The following SRGAP1 variants were observed in gnomAD, a reference collection of about 807,000 sequenced individuals.
The protein encoded by SRGAP1 is SLIT-ROBO Rho GTPase-activating protein 1.
A neutral mutation model predicts 121.9 loss-of-function variants in SRGAP1; 43 were observed. The observed-to-expected ratio is 0.35, with a 90% CI of 0.28 to 0.46. The LOEUF (loss-of-function observed/expected upper bound fraction) is 0.46, where lower values mean the gene tolerates loss of function less well. Among genes scored for constraint, SRGAP1 ranks in the 20% least tolerant of loss-of-function variants. The pLI is 1.00. For synonymous variants in SRGAP1, 447 were observed against 485.4 expected, an observed-to-expected ratio of 0.92 and a Z score of 1.04; for missense variants, 1,102 against 1,350.9, an observed-to-expected ratio of 0.82 and a Z score of 2.89.
chr12:63,873,339 T>C (rs1456068920), intron 1 of SRGAP1, among the ~76,000 whole-genome samples: 2 of 152,022 alleles, frequency 1.3e-5, no homozygotes, highest in Admixed American at 1.3e-4. Flanking sequence ...AAGACCAGCC[T>C]GACTGACATG....
chr12:64,022,367 TC>T (rs2034568621), intron 4 of SRGAP1, among the ~76,000 whole-genome samples: 1 of 152,246 alleles, frequency 6.6e-6, no homozygotes, highest in Admixed American at 6.5e-5. Flanking sequence ...AGACCAATGT[TC>T]CAGCTCAAAG....
At chr12:63,874,952 G>T (rs1159262788) in intron 1 of SRGAP1, among the ~76,000 whole-genome samples, 1 of 152,116 alleles carries the variant, frequency 6.6e-6, no homozygotes, top group African/African-American at 2.4e-5. Flanking sequence ...ATCTTGCTCT[G>T]CTGCTCAGGC....
chr12:63,941,458 C>T (rs1472653987), intron 1 of SRGAP1, among the ~76,000 whole-genome samples: 1 of 151,964 alleles, frequency 6.6e-6, no homozygotes, highest in Admixed American at 6.6e-5. Flanking sequence ...GTCTGTGATC[C>T]GTTTGATCTG....
intron 1 of SRGAP1, among the ~76,000 whole-genome samples, chr12:63,921,368 C>A (rs547535140): frequency 6.6e-6 from 1 of 152,176 alleles, no homozygotes; most frequent in African/African-American, 2.4e-5. Context: ...TTCTTTATTG[C>A]CTTTATGAGT....
At chr12:63,977,628 T>C (rs2033127521) in intron 1 of SRGAP1, among the ~76,000 whole-genome samples, 1 of 112,274 alleles carries the variant, frequency 8.9e-6, no homozygotes, top group African/African-American at 3.9e-5. Flanking sequence ...TTCCATTTTA[T>C]TTGGCAAGTA....
intron 1 of SRGAP1, among the ~76,000 whole-genome samples, chr12:63,869,840 A>G (rs1210951745): frequency 6.6e-6 from 1 of 152,176 alleles, no homozygotes; most frequent in East Asian, 1.9e-4. Context: ...GTTATTGTTA[A>G]TGTCTTAGTA....
intron 1 of SRGAP1, among the ~76,000 whole-genome samples, chr12:63,904,296 C>T (rs2030090213): frequency 6.6e-6 from 1 of 152,162 alleles, no homozygotes; most frequent in African/African-American, 2.4e-5. Flanking sequence ...GTTCTGATCA[C>T]ACATTTCTGT....
chr12:64,104,680 C>T (rs1253748878), intron 15 of SRGAP1, among the ~76,000 whole-genome samples: 1 of 152,186 alleles, frequency 6.6e-6, no homozygotes, highest in Non-Finnish European at 1.5e-5. Context: ...GCAGCCATCA[C>T]GGTTAGAGGC....
At chr12:63,935,386 A>G (rs2031630897) in intron 1 of SRGAP1, among the ~76,000 whole-genome samples, 1 of 152,184 alleles carries the variant, frequency 6.6e-6, no homozygotes, top group Non-Finnish European at 1.5e-5. Context: ...ACTTACTCCA[A>G]CACTTTGAAA....
At position 64,145,382 on chromosome 12, in the gene SRGAP1, G is replaced by A. The variant is rs555844847; in HGVS notation, c.*2710G>A. 5 of 152,368 alleles carry A rather than the reference G, an allele frequency of 3.3e-5. No individual in the cohort carries two copies. Among genetic ancestry groups the A allele is most frequent in the African/African-American group, 1.2e-4 (5 of 41,548 alleles). The allele number at this position is 152,368 out of a possible 1,614,324, so 9.4% of individuals were successfully genotyped here. ...ATGTGTCCACCTACGGTGGAACGAG[G>A]ATTGCCTTTCTGTGCTCCCCATCAG... is the stretch of plus-strand genomic sequence containing the variant. On this transcript the variant is annotated 3_prime_UTR_variant, in exon 22 of 22. Transcript: ENST00000355086.
intron 1 of SRGAP1, among the ~76,000 whole-genome samples, chr12:63,927,763 A>G (rs564800882): frequency 9.9e-5 from 15 of 152,098 alleles, no homozygotes; most frequent in South Asian, 6.2e-4. Flanking sequence ...TAAACGCTTT[A>G]TGGTTGGTAA....
intron 1 of SRGAP1, among the ~76,000 whole-genome samples, chr12:63,919,382 C>T (rs992472718): frequency 5.3e-5 from 8 of 151,986 alleles, no homozygotes; most frequent in Non-Finnish European, 1.2e-4. Context: ...TTTAACTTAA[C>T]ATTTAATATA....
chr12:63,997,408 G>A (rs988290769), intron 3 of SRGAP1, among the ~76,000 whole-genome samples: 3 of 152,062 alleles, frequency 2.0e-5, no homozygotes, highest in African/African-American at 7.2e-5. Context: ...CTTAGAATAT[G>A]TCTCTGTGGT....
At chr12:64,086,722 GAA>G (rs3057149) in intron 10 of SRGAP1, among the ~76,000 whole-genome samples, 6,982 of 120,226 alleles carry the variant, frequency 0.058, 189 homozygotes, top group Middle Eastern at 0.086. Context: ...TTTCTTTTCT[GAA>G]AAAAAAAAAA....
chr12:64,080,681 C>A, intron 10 of SRGAP1: 1 of 420,158 alleles, frequency 2.4e-6, no homozygotes, highest in Non-Finnish European at 4.4e-6. Context: ...CTGCCCCTCC[C>A]CTACCTGCTG....
At position 64,134,803 on chromosome 12, in the gene SRGAP1, C is replaced by T. The variant is rs937773155; in HGVS notation, c.2880+6603C>T. On this transcript the variant is annotated intron_variant, in intron 21 of 21. Coordinates refer to ENST00000355086, the MANE Select transcript of SRGAP1 (RefSeq NM_020762.4). Reference sequence around the variant, plus strand: ...TATCCCACACCATTAATATCCATTCCCATGCCTGTTATCCAGATTTCTATT... The same window carrying T: ...TATCCCACACCATTAATATCCATTCTCATGCCTGTTATCCAGATTTCTATT... Among the ~76,000 whole-genome samples the T allele has an allele frequency of 2.6e-5, 4 of 152,268 alleles. No homozygotes were observed. The South Asian group carries it at 8.3e-4, about 32-fold the overall frequency.
chr12:64,083,175 T>C (rs968587353), intron 10 of SRGAP1, among the ~76,000 whole-genome samples: 8 of 152,166 alleles, frequency 5.3e-5, no homozygotes, highest in African/African-American at 9.7e-5. Flanking sequence ...TGAGCTCTTA[T>C]GGAGGAATCT....
At chr12:64,097,147 T>A in intron 14 of SRGAP1, 94 bp from the exon 15 acceptor site, 1 of 1,263,136 alleles carries the variant, frequency 7.9e-7, no homozygotes, top group Non-Finnish European at 1.1e-6. Context: ...AAAAGATACA[T>A]GTATATATAG....
intron 1 of SRGAP1, among the ~76,000 whole-genome samples, chr12:63,923,820 C>A (rs1029051155): frequency 3.3e-5 from 5 of 152,204 alleles, no homozygotes; most frequent in Non-Finnish European, 7.3e-5. Context: ...CCACATAAGA[C>A]ATTTATATAA....
Sources: gnomAD v4.1 joint callset for allele counts (sites outside exome capture counted in the v4.1 genomes callset) on GRCh38, gnomAD v4.1.1 for gene constraint, MANE v1.5 for transcripts, NCBI Gene and HGNC (gene_info 2026-07-23, HGNC 2026-07-21) for gene names.